PCSK5: variants seen among roughly 807,000 people sequenced by gnomAD.
The protein encoded by PCSK5 is proprotein convertase subtilisin/kexin type 5.
A neutral mutation model predicts 233.2 loss-of-function variants in PCSK5; 129 were observed. That is an observed-to-expected ratio of 0.55 (90% CI 0.48 to 0.64). The LOEUF is 0.64. Among genes scored for constraint, PCSK5 ranks in the 30% least tolerant of loss-of-function variants. PCSK5 has a pLI of 0.00. For missense variants in PCSK5, 2,076 were observed against 2,430.1 expected (o/e 0.85, Z 3.06); for synonymous variants, 825 against 879.2 (o/e 0.94, Z 1.09).
chr9:75,963,095 A>AT (rs1463206135), intron 2 of PCSK5, among the ~76,000 whole-genome samples: 1 of 152,164 alleles, frequency 6.6e-6, no homozygotes, highest in African/African-American at 2.4e-5. Flanking sequence ...TATTAGCATA[A>AT]TTTTTTATTC....
intron 35 of PCSK5, among the ~76,000 whole-genome samples, chr9:76,349,295 A>G (rs999102056): frequency 1.3e-5 from 2 of 151,178 alleles, no homozygotes; most frequent in Non-Finnish European, 3.0e-5. Context: ...AAAAAAAGAA[A>G]AAAGAAAAAG....
chr9:75,973,958 T>C (rs1825909620), intron 2 of PCSK5, among the ~76,000 whole-genome samples: 1 of 152,068 alleles, frequency 6.6e-6, no homozygotes, highest in Admixed American at 6.6e-5. Flanking sequence ...GACTCCAGGG[T>C]GAGCCATCCA....
intron 2 of PCSK5, among the ~76,000 whole-genome samples, chr9:75,968,557 A>T (rs1825691115): frequency 6.6e-6 from 1 of 152,218 alleles, no homozygotes; most frequent in Non-Finnish European, 1.5e-5. Flanking sequence ...CTCTGGAAGC[A>T]CCATAGAAAG....
intron 12 of PCSK5, among the ~76,000 whole-genome samples, chr9:76,162,861 A>T (rs1822926514): frequency 6.6e-6 from 1 of 152,162 alleles, no homozygotes; most frequent in Non-Finnish European, 1.5e-5. Flanking sequence ...CCAACACTGC[A>T]CACTTAACTA....
chr9:76,062,477 A>C (rs1435732835), intron 5 of PCSK5, among the ~76,000 whole-genome samples: 1 of 152,232 alleles, frequency 6.6e-6, no homozygotes, highest in Non-Finnish European at 1.5e-5. Flanking sequence ...GGGAAACAAC[A>C]ATGAAATAAC....
At chr9:75,899,450 C>T (rs1400701187) in intron 1 of PCSK5, among the ~76,000 whole-genome samples, 2 of 152,112 alleles carry the variant, frequency 1.3e-5, no homozygotes, top group Non-Finnish European at 2.9e-5. Flanking sequence ...TTGTTTATCC[C>T]TAGTACTCCT....
chr9:76,056,233 A>G (rs939601364), intron 5 of PCSK5, among the ~76,000 whole-genome samples: 1 of 152,144 alleles, frequency 6.6e-6, no homozygotes, highest in Admixed American at 6.5e-5. Flanking sequence ...CTGTCAAGCA[A>G]TGCAATGTCA....
rs1030754840 is a variant in PCSK5 at position 76,227,621 on chromosome 9, G to C, written c.2729+16G>C. 2.0e-6 allele frequency: 3 copies of C among 1,530,910 alleles called. No homozygotes were observed. The African/African-American group carries it at 4.1e-5, about 21-fold the overall frequency. The allele number at this position is 1,530,910 out of a possible 1,614,324, so 94.8% of individuals were successfully genotyped here. On this transcript the variant is annotated intron_variant, in intron 21 of 37. Coordinates refer to ENST00000674117, the MANE Select transcript of PCSK5 (RefSeq NM_001372043.1). ...CCATGACAAGGTAAGTGGCTTCTCA[G>C]GATCTCCCGGTGGTGTGAGCTCATG...
chr9:76,100,227 C>G (rs1279276033), intron 8 of PCSK5, among the ~76,000 whole-genome samples: 1 of 152,170 alleles, frequency 6.6e-6, no homozygotes, highest in Admixed American at 6.5e-5. Context: ...GAAAGAAGCT[C>G]TTTCATAAGC....
intron 5 of PCSK5, among the ~76,000 whole-genome samples, chr9:76,064,110 A>G (rs1830151539): frequency 8.4e-6 from 1 of 119,008 alleles, no homozygotes; most frequent in Non-Finnish European, 1.7e-5. Context: ...CACCTCCCAG[A>G]CGGGGCGGCT....
In PCSK5 at chr9:76,047,611, CAA is replaced by C. The variant is rs369044992; in HGVS notation, c.633-20343_633-20342del. Among the ~76,000 whole-genome samples the C allele has an allele frequency of 3.0e-3, 461 of 152,224 alleles. 4 individuals are homozygous for C. Among genetic ancestry groups the C allele is most frequent in the African/African-American group, 0.01 (427 of 41,542 alleles). ...ATTGCTGTCACCATTTCTGCCCTCT[CAA>C]GAGAGGGGAGCAATTTCCTTATTCT... On this transcript the variant is annotated intron_variant, in intron 5 of 37. Coordinates refer to ENST00000674117, the MANE Select transcript of PCSK5 (RefSeq NM_001372043.1).
chr9:76,297,904 C>T (rs576366290), intron 27 of PCSK5, among the ~76,000 whole-genome samples: 2 of 152,234 alleles, frequency 1.3e-5, no homozygotes, highest in African/African-American at 4.8e-5. Context: ...CAAGGAAGAG[C>T]AGCTCAGAGA....
intron 8 of PCSK5, among the ~76,000 whole-genome samples, chr9:76,096,668 C>T (rs1243463071): frequency 6.7e-6 from 1 of 148,402 alleles, no homozygotes; most frequent in Non-Finnish European, 1.5e-5. Flanking sequence ...GTGGTGTGAT[C>T]TCAGCTCACT....
intron 20 of PCSK5, among the ~76,000 whole-genome samples, chr9:76,198,924 A>C (rs1168935335): frequency 6.6e-6 from 1 of 152,210 alleles, no homozygotes; most frequent in Non-Finnish European, 1.5e-5. Flanking sequence ...TTGCACTACA[A>C]GCTTCCCAAG....
At chr9:76,265,940 G>T (rs4085115) in intron 24 of PCSK5, among the ~76,000 whole-genome samples, 1 of 152,082 alleles carries the variant, frequency 6.6e-6, no homozygotes, top group South Asian at 2.1e-4. Context: ...TTGCAATCCT[G>T]TAAAGAGAAG....
chr9:76,115,307 C>T (rs781487623), intron 9 of PCSK5, among the ~76,000 whole-genome samples: 1 of 151,914 alleles, frequency 6.6e-6, no homozygotes, highest in Non-Finnish European at 1.5e-5. Flanking sequence ...AGTGCCTACC[C>T]GGAGATCATG....
rs113248832 is a variant in PCSK5, at chr9:76,149,750, G to A, written c.1313-7295G>A. Among the ~76,000 whole-genome samples the A allele has an allele frequency of 4.4e-3, 667 of 152,252 alleles. 8 individuals carry two copies. Among genetic ancestry groups the A allele is most frequent in the African/African-American group, 0.013 (554 of 41,538 alleles). On this transcript the variant is annotated intron_variant, in intron 10 of 37. Coordinates refer to ENST00000674117, the MANE Select transcript of PCSK5 (RefSeq NM_001372043.1). ...TGGATATGATGTGGGTTACATGGCTGGGTCTCCCCAAGCTGGTATAGTAGT... is the reference window on the plus strand; with the variant it reads ...TGGATATGATGTGGGTTACATGGCTAGGTCTCCCCAAGCTGGTATAGTAGT...
chr9:76,053,649 A>G (rs1829716830), intron 5 of PCSK5, among the ~76,000 whole-genome samples: 1 of 152,312 alleles, frequency 6.6e-6, no homozygotes, highest in Middle Eastern at 3.4e-3. Context: ...TTCAGTTCCC[A>G]GCAAGTTCTT....
chr9:76,118,232 TGA>T (rs1190841976), intron 9 of PCSK5, among the ~76,000 whole-genome samples: 1 of 152,046 alleles, frequency 6.6e-6, no homozygotes, highest in Non-Finnish European at 1.5e-5. Context: ...TGCTATTCAG[TGA>T]GAGTGTTCAG....
Sources: allele counts gnomAD v4.1 joint callset (sites outside exome capture counted in the v4.1 genomes callset), GRCh38; gene constraint gnomAD v4.1.1; transcripts MANE v1.5; gene names NCBI Gene and HGNC (gene_info 2026-07-23, HGNC 2026-07-21).